Variants in GSE1 observed in about 807,000 individuals in gnomAD.
The protein encoded by GSE1 is Gse1 coiled-coil protein, also known as genetic suppressor element 1.
In GSE1, 32 loss-of-function variants were observed where a neutral mutation model predicts 112.6. That is an observed-to-expected ratio of 0.28 (90% CI 0.21 to 0.38). GSE1 has a LOEUF of 0.38. Ranked by LOEUF, GSE1 falls within the 10% of genes least tolerant of loss-of-function variation. The pLI is 1.00. For missense variants in GSE1, 2,348 were observed against 1,699.2 expected, an observed-to-expected ratio of 1.38 and a Z score of -6.71; for synonymous variants, 1,115 against 735.6, an observed-to-expected ratio of 1.52 and a Z score of -8.35.
In GSE1 at chr16:85,169,849, G is replaced by A. The variant is rs150263615; in HGVS notation, c.325G>A (p.Asp109Asn). ...CTTCGAGCGCGCCCGCACGCCGGTG[G>A]ACAAGCGCATGTACTGGCTCAAGCG... The change falls in exon 1 of 3, where the codon GAC becomes AAC. Residue 109 changes from aspartate (D) to asparagine (N), a missense_variant. Asp to Asn is a conservative substitution (Grantham distance 23). Transcript: ENST00000637419. The A allele has an allele frequency of 2.3e-4, 227 of 984,546 alleles. 3 individuals carry two copies. In the East Asian group the frequency reaches 0.02, roughly 86 times the overall value. 61.0% of individuals were successfully genotyped at this position (984,546 alleles called of 1,614,324 possible). A position where few individuals can be genotyped will look rare whatever the true frequency, so the allele number is the denominator to read the frequency against.
intron 2 of GSE1, among the ~76,000 whole-genome samples, chr16:85,441,952 C>T (rs771615734): frequency 2.6e-5 from 4 of 152,216 alleles, no homozygotes; most frequent in African/African-American, 7.2e-5. Context: ...CAACTCTTCA[C>T]GATGGCCTAA....
At chr16:85,587,545 C>T (rs1200709046) in intron 1 of GSE1, among the ~76,000 whole-genome samples, 7 of 152,212 alleles carry the variant, frequency 4.6e-5, no homozygotes, top group Non-Finnish European at 7.4e-5. Flanking sequence ...TTCACACCTT[C>T]GGCCTAGGTA....
chr16:85,218,933 G>A (rs559336900), intron 1 of GSE1, among the ~76,000 whole-genome samples: 1 of 152,262 alleles, frequency 6.6e-6, no homozygotes, highest in East Asian at 1.9e-4. Flanking sequence ...AGGCTGGAGT[G>A]CAGTGGTGTG....
At chr16:85,423,158 T>C (rs1256683913) in intron 2 of GSE1, among the ~76,000 whole-genome samples, 1 of 152,182 alleles carries the variant, frequency 6.6e-6, no homozygotes, top group Non-Finnish European at 1.5e-5. Context: ...GAGCGAAACC[T>C]TCTCTGCTCA....
chr16:85,342,401 T>C (rs1012473532), intron 1 of GSE1, among the ~76,000 whole-genome samples: 5 of 152,158 alleles, frequency 3.3e-5, no homozygotes, highest in African/African-American at 2.4e-5. Flanking sequence ...CTTTAGCTAA[T>C]GCCCTGTCAG....
intron 2 of GSE1, among the ~76,000 whole-genome samples, chr16:85,439,330 G>A (rs148642997): frequency 2.9e-3 from 448 of 152,324 alleles, no homozygotes; most frequent in African/African-American, 0.01. Context: ...CAGTGGGGGC[G>A]GCCTCGGGCG....
intron 1 of GSE1, among the ~76,000 whole-genome samples, chr16:85,302,334 C>A (rs992472831): frequency 2.0e-5 from 3 of 152,132 alleles, no homozygotes; most frequent in Admixed American, 6.5e-5. Flanking sequence ...TGCTAAGGGG[C>A]GACCTTAGCA....
At chr16:85,615,187 T>C (rs1440656809) in intron 1 of GSE1, among the ~76,000 whole-genome samples, 3 of 152,176 alleles carry the variant, frequency 2.0e-5, no homozygotes, top group Non-Finnish European at 4.4e-5. Flanking sequence ...AGGCACAGGC[T>C]GTGCCTGACT....
intron 2 of GSE1, among the ~76,000 whole-genome samples, chr16:85,476,135 T>G (rs1282692359): frequency 6.6e-6 from 1 of 152,242 alleles, no homozygotes; most frequent in African/African-American, 2.4e-5. Context: ...TTTCGCCATG[T>G]TGCCTAGGCT....
intron 1 of GSE1, among the ~76,000 whole-genome samples, chr16:85,280,867 G>C (rs2044837270): frequency 6.6e-6 from 1 of 152,218 alleles, no homozygotes; most frequent in Admixed American, 6.5e-5. Flanking sequence ...AGTGCAAGGA[G>C]AAGCAGAGAA....
intron 2 of GSE1, among the ~76,000 whole-genome samples, chr16:85,507,903 G>A (rs756436749): frequency 6.6e-5 from 10 of 152,154 alleles, no homozygotes; most frequent in Admixed American, 2.0e-4. Flanking sequence ...GCGAGCACAC[G>A]CCTCGTGTGT....
chr16:85,497,670 C>G (rs2051225634), intron 2 of GSE1, among the ~76,000 whole-genome samples: 1 of 152,176 alleles, frequency 6.6e-6, no homozygotes, highest in African/African-American at 2.4e-5. Context: ...TCTACAAAGA[C>G]CCCATCTCTA....
intron 1 of GSE1, among the ~76,000 whole-genome samples, chr16:85,625,051 C>T (rs1451787030): frequency 1.3e-5 from 2 of 152,164 alleles, no homozygotes; most frequent in Non-Finnish European, 2.9e-5. Flanking sequence ...GGCACCATCT[C>T]CCAGAGTCAC....
intron 1 of GSE1, among the ~76,000 whole-genome samples, chr16:85,197,493 C>G (rs1489004767): frequency 6.6e-6 from 1 of 152,158 alleles, no homozygotes; most frequent in East Asian, 1.9e-4. Context: ...CTTTAAAATC[C>G]CAAATCTTTT....
At chr16:85,385,592 C>G (rs2047670275) in intron 2 of GSE1, among the ~76,000 whole-genome samples, 1 of 152,182 alleles carries the variant, frequency 6.6e-6, no homozygotes, top group Admixed American at 6.5e-5. Flanking sequence ...GCCTCTGCAC[C>G]CAGCAAGTCC....
At chr16:85,652,151 G>A (rs570222434) in intron 3 of GSE1, among the ~76,000 whole-genome samples, 19 of 152,182 alleles carry the variant, frequency 1.2e-4, no homozygotes, top group South Asian at 1.2e-3. Context: ...CATCAACTCT[G>A]CTGCCCTGTG....
intron 2 of GSE1, among the ~76,000 whole-genome samples, chr16:85,480,598 C>T (rs1035287105): frequency 1.3e-5 from 2 of 152,178 alleles, no homozygotes; most frequent in African/African-American, 2.4e-5. Context: ...CATGGCCCAT[C>T]GGACCTGTTC....
At chr16:85,642,982 G>A (rs909422150) in intron 2 of GSE1, among the ~76,000 whole-genome samples, 2 of 152,268 alleles carry the variant, frequency 1.3e-5, no homozygotes, top group South Asian at 4.2e-4. Flanking sequence ...GCCTCTTAAA[G>A]ACCGATGACT....
At chr16:85,546,548 C>A (rs145748661) in intron 2 of GSE1, among the ~76,000 whole-genome samples, 93 of 152,356 alleles carry the variant, frequency 6.1e-4, no homozygotes, top group Admixed American at 1.2e-3. Context: ...CCCTGAGCAT[C>A]ATTTGGGGAG....
Sources: allele counts gnomAD v4.1 joint callset (sites outside exome capture counted in the v4.1 genomes callset), GRCh38; gene constraint gnomAD v4.1.1; transcripts MANE v1.5; gene names NCBI Gene and HGNC (gene_info 2026-07-23, HGNC 2026-07-21).